The following ESR1 variants were observed in gnomAD, a reference collection of about 807,000 sequenced individuals.
ESR1 encodes estrogen receptor.
Under a neutral mutation model 52.7 loss-of-function variants are expected in ESR1, and 12 were observed. The ratio of observed to expected loss-of-function variants is 0.23; its 90% CI spans 0.15 to 0.37. The LOEUF (loss-of-function observed/expected upper bound fraction) is 0.37, where lower values mean the gene tolerates loss of function less well. Among genes scored for constraint, ESR1 ranks in the 10% least tolerant of loss-of-function variants. The probability of loss-of-function intolerance (pLI) is 1.00; values close to 1 mark genes in which losing one functional copy is unlikely to be tolerated. For missense variants in ESR1, 584 were observed against 779.7 expected (o/e 0.75, Z 2.99); for synonymous variants, 305 against 316.8 (o/e 0.96, Z 0.39).
upstream of ESR1, among the ~76,000 whole-genome samples, chr6:151,802,533 G>A (rs1777361466): frequency 1.3e-5 from 2 of 152,198 alleles, no homozygotes; most frequent in Non-Finnish European, 2.9e-5. Context: ...AAGAAGCTAT[G>A]TTTGGTCATA....
At chr6:152,121,597 A>C (rs1387498964) in intron 6 of ESR1, 1 of 152,502 alleles carries the variant, frequency 6.6e-6, no homozygotes, top group Non-Finnish European at 1.5e-5. Context: ...TTGCACAGAA[A>C]AATGATCATT....
chr6:152,034,005 ACTGGAAAC>A (rs2045014220), intron 5 of ESR1, among the ~76,000 whole-genome samples: 1 of 152,142 alleles, frequency 6.6e-6, no homozygotes, highest in African/African-American at 2.4e-5. Context: ...CATGGATGAA[ACTGGAAAC>A]CATCATTGTG....
chr6:151,702,953 C>T (rs1296561249), intron 2 of ESR1, among the ~76,000 whole-genome samples: 1 of 152,168 alleles, frequency 6.6e-6, no homozygotes, highest in Non-Finnish European at 1.5e-5. Context: ...GAATACTATC[C>T]TAGCCTTCAA....
intron 1 of ESR1, among the ~76,000 whole-genome samples, chr6:151,691,945 T>C (rs1778978885): frequency 6.6e-6 from 1 of 152,214 alleles, no homozygotes; most frequent in African/African-American, 2.4e-5. Context: ...TAAAATACTC[T>C]AGAATGTCAG....
At chr6:152,075,185 C>T (rs148969838) in intron 6 of ESR1, among the ~76,000 whole-genome samples, 217 of 152,282 alleles carry the variant, frequency 1.4e-3, no homozygotes, top group African/African-American at 5.0e-3. Flanking sequence ...GCCCCCACCC[C>T]GCAACATTTC....
chr6:151,960,451 G>GCT (rs2037522144), intron 4 of ESR1, among the ~76,000 whole-genome samples: 2 of 152,274 alleles, frequency 1.3e-5, no homozygotes, highest in African/African-American at 4.8e-5. Flanking sequence ...CCTGAAGGAG[G>GCT]AGGTGAGAAA....
chr6:151,813,319 A>G (rs764416264), intron 1 of ESR1: 4 of 152,208 alleles, frequency 2.6e-5, no homozygotes, highest in Non-Finnish European at 5.9e-5. Context: ...GTGGGCAAAT[A>G]AGAAAGAGTA....
intron 3 of ESR1, among the ~76,000 whole-genome samples, chr6:151,936,678 A>G (rs560303503): frequency 6.6e-6 from 1 of 152,338 alleles, no homozygotes; most frequent in South Asian, 2.1e-4. Context: ...AAAACACTGG[A>G]CATGACACTG....
At chr6:151,856,837 C>A (rs905476063) in intron 2 of ESR1, among the ~76,000 whole-genome samples, 1 of 151,990 alleles carries the variant, frequency 6.6e-6, no homozygotes, top group African/African-American at 2.4e-5. Context: ...GATGAAGTAC[C>A]CTTCTTTTTT....
At chr6:151,750,492 C>G (rs1401120524) in intron 2 of ESR1, among the ~76,000 whole-genome samples, 2 of 152,016 alleles carry the variant, frequency 1.3e-5, no homozygotes, top group East Asian at 3.8e-4. Flanking sequence ...GAGCAAGGAG[C>G]CTAATTCTTT....
chr6:151,839,297 C>G (rs1489974686), intron 1 of ESR1, among the ~76,000 whole-genome samples: 1 of 151,978 alleles, frequency 6.6e-6, no homozygotes, highest in Non-Finnish European at 1.5e-5. Flanking sequence ...TGCAGTATTC[C>G]CCTCGCACTC....
At chr6:151,764,442 G>A (rs1487391762) in intron 2 of ESR1, among the ~76,000 whole-genome samples, 1 of 152,126 alleles carries the variant, frequency 6.6e-6, no homozygotes, top group African/African-American at 2.4e-5. Context: ...AAAGACCAAG[G>A]GGTGGCACCA....
At chr6:151,997,575 G>A (rs9340949) in intron 4 of ESR1, among the ~76,000 whole-genome samples, 3,230 of 152,176 alleles carry the variant, frequency 0.021, 98 homozygotes, top group East Asian at 0.13. Flanking sequence ...TGCATTGGGA[G>A]GAAAATAAGC....
In ESR1 at chr6:152,101,287, C is replaced by T. The variant is rs17847064; in HGVS notation, c.*2321C>T. ...GCTAATTTTGCTTTTACCAAAATATCAGTAGTAATATTTTTGGACAGTAGC... is the reference window on the plus strand; with the variant it reads ...GCTAATTTTGCTTTTACCAAAATATTAGTAGTAATATTTTTGGACAGTAGC... On this transcript the variant is annotated 3_prime_UTR_variant, in exon 8 of 8. Coordinates refer to ENST00000206249, the MANE Select transcript of ESR1 (RefSeq NM_000125.4). 1.7e-5 allele frequency: 4 copies of T among 232,140 alleles called. No individual in the cohort carries two copies. Among genetic ancestry groups the T allele is most frequent in the African/African-American group, 8.8e-5 (4 of 45,236 alleles). 14.4% of individuals were successfully genotyped at this position (232,140 alleles called of 1,614,324 possible). A position where few individuals can be genotyped will look rare whatever the true frequency, so the allele number is the denominator to read the frequency against.
chr6:151,904,601 G>A (rs1797167342), intron 3 of ESR1, among the ~76,000 whole-genome samples: 1 of 152,040 alleles, frequency 6.6e-6, no homozygotes, highest in Admixed American at 6.5e-5. Flanking sequence ...GCTCATTTTG[G>A]TTTTTAACAC....
Position 152,061,225 on chromosome 6 carries a change from TAGAA to T in ESR1, c.1369+107_1369+110del. 1 of 1,184,196 alleles carries T rather than the reference TAGAA, an allele frequency of 8.4e-7. No homozygotes were observed. The allele number at this position is 1,184,196 out of a possible 1,614,324, so 73.4% of individuals were successfully genotyped here. On this transcript the variant is annotated intron_variant, in intron 6 of 7. Coordinates refer to ENST00000206249, the MANE Select transcript of ESR1 (RefSeq NM_000125.4). The surrounding 1 kb of genome is among the most constrained non-coding windows in gnomAD (Gnocchi z 4.3). ...CACTCCAAAGGCATAATGTCATAAA[TAGAA>T]AGAAACTACTGACACACGTTTTAAA...
At chr6:152,058,898 G>A (rs2047320543) in intron 5 of ESR1, among the ~76,000 whole-genome samples, 1 of 152,122 alleles carries the variant, frequency 6.6e-6, no homozygotes, top group African/African-American at 2.4e-5. Context: ...TAACAATCTT[G>A]AGTCCTAATC....
rs9341042 is a variant in ESR1 at position 152,088,895 on chromosome 6, A to G, written c.1370-5490A>G. Among the ~76,000 whole-genome samples the G allele has an allele frequency of 2.5e-3, 388 of 152,366 alleles. 4 individuals carry two copies. Among genetic ancestry groups the G allele is most frequent in the African/African-American group, 8.8e-3 (366 of 41,578 alleles). ...GAATAAAAAATGAAGTAATTTTGCA[A>G]ATGAGTCTGGCTTTATTATAAGTGT... is the stretch of plus-strand genomic sequence containing the variant. On this transcript the variant is annotated intron_variant, in intron 6 of 7. Transcript: ENST00000206249.
chr6:151,950,067 A>G (rs1187928164), intron 4 of ESR1, among the ~76,000 whole-genome samples: 1 of 152,184 alleles, frequency 6.6e-6, no homozygotes, highest in Non-Finnish European at 1.5e-5. Flanking sequence ...GGTGTTAAAA[A>G]GGGGAGTTTT....
Sources: gnomAD v4.1 joint callset for allele counts (sites outside exome capture counted in the v4.1 genomes callset) on GRCh38, gnomAD v4.1.1 for gene constraint, Gnocchi (gnomAD v3.1) non-coding constraint, MANE v1.5 for transcripts, NCBI Gene and HGNC (gene_info 2026-07-23, HGNC 2026-07-21) for gene names.